The following FAM120B variants were observed in gnomAD, a reference collection of about 807,000 sequenced individuals.
FAM120B encodes the protein constitutive coactivator of peroxisome proliferator-activated receptor gamma.
Under a neutral mutation model 96.3 loss-of-function variants are expected in FAM120B, and 83 were observed. The observed-to-expected ratio is 0.86, with a 90% CI of 0.72 to 1.03. The LOEUF is 1.03. FAM120B is among the 50% of genes least tolerant of loss of function. The pLI is 0.00. For synonymous variants in FAM120B, 407 were observed against 402.7 expected, an observed-to-expected ratio of 1.01 and a Z score of -0.13; for missense variants, 1,027 against 1,121.2, an observed-to-expected ratio of 0.92 and a Z score of 1.20.
chr6:170,294,495 G>A (rs1430578389), upstream of FAM120B, among the ~76,000 whole-genome samples: 2 of 152,140 alleles, frequency 1.3e-5, no homozygotes, highest in East Asian at 3.9e-4. This position sits in a 1 kb window ranked among gnomAD's most constrained non-coding sequence, Gnocchi z 7.9. Context: ...ACCACATGTG[G>A]AGTTCTCTGT....
chr6:170,332,858 C>T (rs1351671975), intron 4 of FAM120B, among the ~76,000 whole-genome samples: 1 of 152,126 alleles, frequency 6.6e-6, no homozygotes, highest in African/African-American at 2.4e-5. Flanking sequence ...AGGATAATCT[C>T]ATAAGTGCTA....
intron 4 of FAM120B, among the ~76,000 whole-genome samples, chr6:170,338,087 TG>T (rs1786562734): frequency 6.6e-6 from 1 of 152,222 alleles, no homozygotes; most frequent in Non-Finnish European, 1.5e-5. Flanking sequence ...TGAATTTGTT[TG>T]CTCTTGCTTC....
chr6:170,324,664 G>A (rs887926022), intron 3 of FAM120B, among the ~76,000 whole-genome samples: 9 of 152,152 alleles, frequency 5.9e-5, no homozygotes, highest in East Asian at 1.9e-4. Flanking sequence ...TGACCAAGTG[G>A]ATAACTTTAT....
intron 6 of FAM120B, among the ~76,000 whole-genome samples, chr6:170,375,787 C>A (rs1013539234): frequency 6.6e-6 from 1 of 151,946 alleles, no homozygotes; most frequent in Admixed American, 6.6e-5. Context: ...GATGCAGGGA[C>A]GAGGGATGGT....
chr6:170,358,920 G>T (rs1447031188), intron 6 of FAM120B, among the ~76,000 whole-genome samples: 1 of 152,168 alleles, frequency 6.6e-6, no homozygotes, highest in Non-Finnish European at 1.5e-5. Context: ...CTGGGTACTG[G>T]GTGTTGTTTC....
intron 6 of FAM120B, among the ~76,000 whole-genome samples, chr6:170,365,595 T>A (rs920496143): frequency 1.3e-5 from 2 of 152,324 alleles, no homozygotes; most frequent in Non-Finnish European, 2.9e-5. Context: ...ATGTTTTCTG[T>A]TCGTGAACTA....
upstream of FAM120B, among the ~76,000 whole-genome samples, chr6:170,303,427 A>C (rs981131680): frequency 6.6e-6 from 1 of 152,158 alleles, no homozygotes; most frequent in African/African-American, 2.4e-5. Flanking sequence ...TGTTTTGTAG[A>C]GATGAGGTCT....
chr6:170,390,559 T>G (rs1345719144), intron 7 of FAM120B, among the ~76,000 whole-genome samples: 1 of 152,230 alleles, frequency 6.6e-6, no homozygotes, highest in East Asian at 1.9e-4. Context: ...ATGTTCCATT[T>G]CTTGATCTGC....
At chr6:170,323,880 G>C (rs1373828207) in intron 3 of FAM120B, among the ~76,000 whole-genome samples, 2 of 152,154 alleles carry the variant, frequency 1.3e-5, no homozygotes, top group Non-Finnish European at 1.5e-5. Flanking sequence ...TAGTTTTGGG[G>C]GGAATGAGGA....
Position 170,317,510 on chromosome 6 carries a change from C to T in FAM120B, c.120C>T (p.Thr40=), listed in dbSNP as rs754228453. The part of the protein sequence containing the change: ...HRSKYPGCTP[T]IVVDAMCCLR... ...GCAAGTATCCTGGATGTACCCCTAC[C>T]ATTGTGGTTGATGCCATGTGTTGTC... Residue 40 remains threonine (T), a synonymous_variant, in exon 2 of 11, where the codon ACC becomes ACT. Transcript: ENST00000476287. 1 of 1,614,202 alleles carries T rather than the reference C, an allele frequency of 6.2e-7. No individual in the cohort carries two copies. Among genetic ancestry groups the T allele is most frequent in the Admixed American group, 1.7e-5 (1 of 60,022 alleles).
intron 6 of FAM120B, among the ~76,000 whole-genome samples, chr6:170,360,951 ACT>A (rs1788319222): frequency 6.6e-6 from 1 of 150,662 alleles, no homozygotes; most frequent in African/African-American, 2.4e-5. Flanking sequence ...CCACAGCCTG[ACT>A]CTGTTCTGAC....
In FAM120B at chr6:170,295,561, C is replaced by T. The variant is rs1041865286; in HGVS notation, c.48+108C>T. ...GCGGGCAGCTCTGCGCGAAGGTGGGCGACGGTGGGGGCACAAGAACAGCAG... is the reference window on the plus strand; with the variant it reads ...GCGGGCAGCTCTGCGCGAAGGTGGGTGACGGTGGGGGCACAAGAACAGCAG... On this transcript the variant is annotated intron_variant, in intron 1 of 10. Transcript: ENST00000537664. The surrounding 1 kb of genome is among the most constrained non-coding windows in gnomAD (Gnocchi z 7.8). 8.7e-6 allele frequency: 5 copies of T among 576,940 alleles called. No homozygotes were observed. Among genetic ancestry groups the T allele is most frequent in the Admixed American group, 3.3e-5 (1 of 30,384 alleles). 35.7% of individuals were successfully genotyped at this position (576,940 alleles called of 1,614,324 possible).
intron 1 of FAM120B, among the ~76,000 whole-genome samples, chr6:170,299,550 CTCCTT>C (rs1034736669): frequency 1.6e-4 from 25 of 152,350 alleles, no homozygotes; most frequent in African/African-American, 5.5e-4. Context: ...ATTTGTTTTC[CTCCTT>C]TCAAGATTCT....
chr6:170,338,600 A>C (rs773386808), intron 4 of FAM120B, among the ~76,000 whole-genome samples: 1 of 151,916 alleles, frequency 6.6e-6, no homozygotes, highest in Non-Finnish European at 1.5e-5. Flanking sequence ...TGTCTCGTTG[A>C]TCTAATATTG....
chr6:170,361,244 ATATATATATACGTG>A (rs1184753627), intron 6 of FAM120B, among the ~76,000 whole-genome samples: 4 of 140,382 alleles, frequency 2.8e-5, no homozygotes, highest in East Asian at 2.1e-4. Flanking sequence ...ATACACGTAT[ATATATATATACGTG>A]TATATATATA....
rs939355478 is a variant in FAM120B at position 170,368,829 on chromosome 6, G to GC, written c.2283+10511_2283+10512insC. Reference sequence around the variant, plus strand: ...TGCTGTCTGCCGGGGCTGGGGGGGGGGCTCCCTCCTGGCTTGCAGGCAGCC... The same window carrying GC: ...TGCTGTCTGCCGGGGCTGGGGGGGGGCGCTCCCTCCTGGCTTGCAGGCAGCC... On this transcript the variant is annotated intron_variant, in intron 6 of 10. Transcript: ENST00000476287. Among the ~76,000 whole-genome samples the GC allele has an allele frequency of 6.0e-4, 89 of 149,008 alleles. 1 individual carries two copies. The highest frequency in any genetic ancestry group is 8.5e-4 in the Non-Finnish European group (57 of 67,410).
intron 4 of FAM120B, among the ~76,000 whole-genome samples, chr6:170,344,978 C>T (rs558307441): frequency 5.3e-5 from 8 of 152,286 alleles, no homozygotes; most frequent in African/African-American, 1.9e-4. Flanking sequence ...AGTCCTCTGC[C>T]CTACGCTTTG....
chr6:170,403,079 G>A (rs189171964), intron 9 of FAM120B, among the ~76,000 whole-genome samples: 22 of 152,318 alleles, frequency 1.4e-4, no homozygotes, highest in Admixed American at 4.6e-4. Context: ...ATGAGAGTGG[G>A]AGAAATTAAG....
intron 7 of FAM120B, among the ~76,000 whole-genome samples, chr6:170,390,031 C>A (rs1790400379): frequency 1.3e-5 from 2 of 152,248 alleles, no homozygotes; most frequent in South Asian, 4.1e-4. Flanking sequence ...ACAATCGCTA[C>A]ATGACTCCTG....
Sources: gnomAD v4.1 joint callset for allele counts (sites outside exome capture counted in the v4.1 genomes callset) on GRCh38, gnomAD v4.1.1 for gene constraint, Gnocchi (gnomAD v3.1) non-coding constraint, MANE v1.5 for transcripts, NCBI Gene and HGNC (gene_info 2026-07-23, HGNC 2026-07-21) for gene names.